Variants in RAB11FIP4 observed in about 807,000 individuals in gnomAD.
RAB11FIP4 encodes the protein RAB11 family interacting protein 4.
RAB11FIP4 carries 23 observed loss-of-function variants against 74.3 expected under a neutral mutation model. The observed-to-expected ratio is 0.31, with a 90% CI of 0.22 to 0.44. RAB11FIP4 has a LOEUF of 0.44. RAB11FIP4 is among the 20% of genes least tolerant of loss of function. The pLI is 1.00. For missense variants in RAB11FIP4, 630 were observed against 863.9 expected (o/e 0.73, Z 3.39); for synonymous variants, 360 against 359.9 (o/e 1.00, Z 0.00).
chr17:31,463,877 G>A (rs188530734), intron 3 of RAB11FIP4, among the ~76,000 whole-genome samples: 1 of 132,404 alleles, frequency 7.6e-6, no homozygotes, highest in Admixed American at 8.7e-5. Context: ...GCAGTGACCC[G>A]ATCTCAGCTC....
chr17:31,488,238 C>T, intron 3 of RAB11FIP4: 1 of 1,155,888 alleles, frequency 8.7e-7, no homozygotes, highest in Non-Finnish European at 1.1e-6. Context: ...GGGAGCGGCC[C>T]GCGGATGCGC....
At chr17:31,527,711 A>G (rs1414138855) in intron 10 of RAB11FIP4, 131 bp from the exon 11 acceptor site, 2 of 649,676 alleles carry the variant, frequency 3.1e-6, no homozygotes, top group Non-Finnish European at 2.7e-6. Flanking sequence ...CATAATAATC[A>G]TATTCTTTCT....
intron 3 of RAB11FIP4, among the ~76,000 whole-genome samples, chr17:31,437,163 T>A (rs575637254): frequency 5.3e-5 from 8 of 152,284 alleles, no homozygotes; most frequent in African/African-American, 1.9e-4. Flanking sequence ...GTGGACACAG[T>A]GGCAGCCTTG....
intron 3 of RAB11FIP4, among the ~76,000 whole-genome samples, chr17:31,494,444 G>T (rs895050580): frequency 2.0e-5 from 3 of 152,052 alleles, no homozygotes; most frequent in Non-Finnish European, 4.4e-5. Context: ...CTTAGTTCCT[G>T]CAGGCTTCAG....
chr17:31,521,259 TG>T lies in RAB11FIP4; in HGVS notation c.661del (p.Glu221ArgfsTer50). Reference sequence around the variant, plus strand: ...GCAATGAGGAGCAGTTTGAAGACTATGGGGAGGGTGACGATGTGGACTGTGC... The same window carrying T: ...GCAATGAGGAGCAGTTTGAAGACTATGGGAGGGTGACGATGTGGACTGTGC... ...ISNEEQFEDY[G>X]EGDDVDCAPS... On this transcript the variant is annotated frameshift_variant, in exon 5 of 15. Coordinates refer to ENST00000621161, the MANE Select transcript of RAB11FIP4 (RefSeq NM_032932.6). LOFTEE classifies it high-confidence loss of function. 1 of 1,613,996 alleles carries T rather than the reference TG, an allele frequency of 6.2e-7. No individual in the cohort carries two copies. Among genetic ancestry groups the T allele is most frequent in the Non-Finnish European group, 8.5e-7 (1 of 1,179,944 alleles).
At chr17:31,509,643 A>G (rs557275891) in intron 3 of RAB11FIP4, among the ~76,000 whole-genome samples, 2 of 152,242 alleles carry the variant, frequency 1.3e-5, no homozygotes, top group African/African-American at 4.8e-5. Context: ...TGGGGATGGA[A>G]CGTAGCAGTG....
At chr17:31,433,989 G>A in intron 2 of RAB11FIP4, 45 bp from the exon 3 acceptor site, 2 of 1,536,020 alleles carry the variant, frequency 1.3e-6, no homozygotes, top group South Asian at 2.4e-5. Flanking sequence ...GTCCCAGGCT[G>A]AGGCTCAACC....
At chr17:31,471,842 G>A (rs2071740161) in intron 3 of RAB11FIP4, among the ~76,000 whole-genome samples, 1 of 152,168 alleles carries the variant, frequency 6.6e-6, no homozygotes, top group Non-Finnish European at 1.5e-5. Flanking sequence ...TTCAGGTGGG[G>A]AGGCGCCCTG....
chr17:31,459,069 CTCA>C (rs1446116016), intron 3 of RAB11FIP4, among the ~76,000 whole-genome samples: 1 of 152,168 alleles, frequency 6.6e-6, no homozygotes, highest in East Asian at 1.9e-4. Context: ...TCAACTCTCA[CTCA>C]TCATGTCTGA....
At chr17:31,464,749 C>CATT (rs2071667852) in intron 3 of RAB11FIP4, among the ~76,000 whole-genome samples, 1 of 39,642 alleles carries the variant, frequency 2.5e-5, no homozygotes, top group Non-Finnish European at 4.2e-5. Flanking sequence ...CTGTGCCCGG[C>CATT]TTTTTTTTTT....
chr17:31,391,850 C>G lies in RAB11FIP4; in HGVS notation c.-3C>G. The G allele has an allele frequency of 3.6e-6, 4 of 1,102,790 alleles. No individual in the cohort carries two copies. The highest frequency in any genetic ancestry group is 4.4e-6 in the Non-Finnish European group (4 of 908,650). 68.3% of individuals were successfully genotyped at this position (1,102,790 alleles called of 1,614,324 possible). ...GTCCGGGCTGAGCTGCGGGCCGGCC[C>G]GGATGGCGGGCGGCGCGGGCTGGTC... On this transcript the variant is annotated 5_prime_UTR_variant, in exon 1 of 15. Coordinates refer to ENST00000621161, the MANE Select transcript of RAB11FIP4 (RefSeq NM_032932.6).
chr17:31,428,978 G>T (rs1124838), intron 1 of RAB11FIP4, among the ~76,000 whole-genome samples: 63,507 of 150,242 alleles, frequency 0.42, 14,122 homozygotes, highest in East Asian at 0.58. Context: ...TGATGATGAT[G>T]ATTATTATTA....
chr17:31,522,676 C>T, intron 7 of RAB11FIP4: 9 of 516,044 alleles, frequency 1.7e-5, no homozygotes, highest in Non-Finnish European at 2.1e-5. Context: ...AGAGACAGAG[C>T]ACCCCACAGC....
At position 31,535,322 on chromosome 17, in the gene RAB11FIP4, C is replaced by T. The variant is rs1015181383; in HGVS notation, c.*3590C>T. ...CGAGGGCCTAAAACAGTGGGCTCAGCTTTGGCTGTGCATTGGAATCACCTG... is the reference window on the plus strand; with the variant it reads ...CGAGGGCCTAAAACAGTGGGCTCAGTTTTGGCTGTGCATTGGAATCACCTG... On this transcript the variant is annotated 3_prime_UTR_variant, in exon 15 of 15. Transcript: ENST00000621161. The T allele has an allele frequency of 2.6e-5, 4 of 151,230 alleles. No individual in the cohort carries two copies. Among genetic ancestry groups the T allele is most frequent in the African/African-American group, 9.7e-5 (4 of 41,118 alleles). 9.4% of individuals were successfully genotyped at this position (151,230 alleles called of 1,614,324 possible).
intron 3 of RAB11FIP4, among the ~76,000 whole-genome samples, chr17:31,494,805 C>T (rs964241218): frequency 6.6e-5 from 10 of 152,094 alleles, no homozygotes; most frequent in African/African-American, 2.4e-4. Flanking sequence ...AAACCTTGCT[C>T]GGGCTCTGCA....
chr17:31,455,613 C>A (rs2071571841), intron 3 of RAB11FIP4, among the ~76,000 whole-genome samples: 1 of 152,212 alleles, frequency 6.6e-6, no homozygotes, highest in Non-Finnish European at 1.5e-5. Flanking sequence ...CCTACTCAAA[C>A]TAGGTCTCCT....
At chr17:31,429,553 G>A (rs927430329) in intron 1 of RAB11FIP4, among the ~76,000 whole-genome samples, 1 of 152,226 alleles carries the variant, frequency 6.6e-6, no homozygotes, top group East Asian at 1.9e-4. Flanking sequence ...CTGGCTGGGC[G>A]TGGTGGATCA....
chr17:31,488,507 G>T (rs1282141226), intron 3 of RAB11FIP4: 1 of 326,056 alleles, frequency 3.1e-6, no homozygotes, highest in Non-Finnish European at 4.7e-6. Context: ...GGGCTCGTCT[G>T]CTGGGGCGCC....
chr17:31,412,268 A>G (rs945634205), intron 1 of RAB11FIP4, among the ~76,000 whole-genome samples: 2 of 152,158 alleles, frequency 1.3e-5, no homozygotes, highest in Admixed American at 1.3e-4. Context: ...TGCAAGGGAG[A>G]AAAGCTCTAG....
Sources: gnomAD v4.1 joint callset for allele counts (sites outside exome capture counted in the v4.1 genomes callset) on GRCh38, gnomAD v4.1.1 for gene constraint, MANE v1.5 for transcripts, NCBI Gene and HGNC (gene_info 2026-07-23, HGNC 2026-07-21) for gene names.